XKR9: variants seen among roughly 807,000 people sequenced by gnomAD.
XKR9 encodes XK-related protein 9.
In XKR9, 32 loss-of-function variants were observed where a neutral mutation model predicts 32.0. The ratio of observed to expected loss-of-function variants is 1.00; its 90% confidence interval spans 0.76 to 1.34. The LOEUF is 1.34. Ranked by LOEUF, XKR9 falls within the 40% of genes most tolerant of loss-of-function variation. The pLI, the probability that XKR9 is intolerant of heterozygous loss-of-function variation, is 0.00. For synonymous variants in XKR9, 168 were observed against 143.4 expected (o/e 1.17, Z -1.22); for missense variants, 546 against 429.7 (o/e 1.27, Z -2.39).
At chr8:70,814,475 T>C in the XKR9 span, among the ~76,000 whole-genome samples, 1 of 151,080 alleles carries the variant, frequency 6.6e-6, no homozygotes, top group Non-Finnish European at 1.5e-5. Context: ...AAATAAATTA[T>C]ACCTGAGAAG....
chr8:70,844,726 C>A, the XKR9 span, among the ~76,000 whole-genome samples: 1 of 152,248 alleles, frequency 6.6e-6, no homozygotes, highest in Non-Finnish European at 1.5e-5. Flanking sequence ...TGGGCCCAGC[C>A]AGCCTGCTGC....
the XKR9 span, among the ~76,000 whole-genome samples, chr8:70,922,177 A>C: frequency 1.3e-5 from 2 of 152,154 alleles, no homozygotes; most frequent in African/African-American, 2.4e-5. Flanking sequence ...CATGCTATGG[A>C]CTCAGCACCA....
chr8:70,863,632 T>G, the XKR9 span, among the ~76,000 whole-genome samples: 2 of 152,182 alleles, frequency 1.3e-5, no homozygotes, highest in African/African-American at 4.8e-5. Flanking sequence ...AAAAATCACT[T>G]TCAATGTAAA....
the XKR9 span, among the ~76,000 whole-genome samples, chr8:70,884,272 G>A: frequency 6.6e-6 from 1 of 151,858 alleles, no homozygotes; most frequent in Non-Finnish European, 1.5e-5. Context: ...TGTATATTTG[G>A]ATATTAATCC....
the XKR9 span, among the ~76,000 whole-genome samples, chr8:70,876,218 CTTT>C: frequency 3.4e-3 from 350 of 101,476 alleles, 1 homozygote; most frequent in African/African-American, 0.011. Flanking sequence ...AAGATTCGTT[CTTT>C]TTTTTTTTTT....
chr8:70,753,437 C>CTTG (rs1807171457), intron 2 of XKR9, among the ~76,000 whole-genome samples: 2 of 152,166 alleles, frequency 1.3e-5, no homozygotes, highest in South Asian at 2.1e-4. Context: ...CATCCGGATA[C>CTTG]CAAAGCCTGG....
chr8:70,962,701 A>G, the XKR9 span, among the ~76,000 whole-genome samples: 3 of 152,232 alleles, frequency 2.0e-5, no homozygotes, highest in Non-Finnish European at 4.4e-5. Context: ...AACTTCCTGC[A>G]TATGTAATTC....
chr8:70,682,447 G>A (rs1427332789), intron 3 of XKR9, among the ~76,000 whole-genome samples: 3 of 152,052 alleles, frequency 2.0e-5, no homozygotes, highest in African/African-American at 7.2e-5. Flanking sequence ...ATTGAAATGA[G>A]GACCTTAAGG....
the XKR9 span, among the ~76,000 whole-genome samples, chr8:70,958,588 A>C: frequency 6.6e-6 from 1 of 152,144 alleles, no homozygotes; most frequent in Non-Finnish European, 1.5e-5. Context: ...GTAATGGTGG[A>C]TATTCGACCT....
the XKR9 span, among the ~76,000 whole-genome samples, chr8:70,911,136 T>A: frequency 2.6e-5 from 4 of 152,328 alleles, no homozygotes; most frequent in African/African-American, 7.2e-5. Context: ...TGTCTCTTCA[T>A]AACAGTGCCT....
the XKR9 span, among the ~76,000 whole-genome samples, chr8:70,862,624 A>G: frequency 6.8e-6 from 1 of 148,088 alleles, no homozygotes; most frequent in Non-Finnish European, 1.5e-5. Flanking sequence ...ACAAATAAAT[A>G]TTACATCTAA....
At chr8:70,674,436 T>C (rs1041358288) in intron 1 of XKR9, among the ~76,000 whole-genome samples, 2 of 152,202 alleles carry the variant, frequency 1.3e-5, no homozygotes, top group Non-Finnish European at 2.9e-5. Context: ...ATATGCTCTT[T>C]GGGGCACAAG....
the XKR9 span, among the ~76,000 whole-genome samples, chr8:70,968,165 C>T: frequency 6.6e-6 from 1 of 152,068 alleles, no homozygotes; most frequent in Non-Finnish European, 1.5e-5. Flanking sequence ...TTCTTGTCTG[C>T]CTGTCTTATT....
chr8:71,061,268 C>G, the XKR9 span, among the ~76,000 whole-genome samples: 1 of 152,088 alleles, frequency 6.6e-6, no homozygotes, highest in East Asian at 1.9e-4. Flanking sequence ...CATCTTTATT[C>G]CCATAGAGAC....
chr8:71,009,124 A>ATGTGGGGTCTTG, the XKR9 span, among the ~76,000 whole-genome samples: 2 of 152,142 alleles, frequency 1.3e-5, no homozygotes, highest in African/African-American at 4.8e-5. Context: ...GCACTATGGG[A>ATGTGGGGTCTTG]TGTGGGGTCT....
chr8:70,669,881 A>T (rs1413196111), intron 1 of XKR9, among the ~76,000 whole-genome samples: 1 of 151,766 alleles, frequency 6.6e-6, no homozygotes, highest in Non-Finnish European at 1.5e-5. Context: ...TTAGCCAGGA[A>T]GGTCTTGATC....
At chr8:70,727,621 A>G (rs1806518023) in intron 4 of XKR9, among the ~76,000 whole-genome samples, 1 of 151,876 alleles carries the variant, frequency 6.6e-6, no homozygotes, top group South Asian at 2.1e-4. Flanking sequence ...GCTGGTCTTG[A>G]ACTCCTTACC....
the XKR9 span, among the ~76,000 whole-genome samples, chr8:70,899,516 A>G: frequency 6.6e-6 from 1 of 151,386 alleles, no homozygotes; most frequent in African/African-American, 2.4e-5. Flanking sequence ...TACAAGCTGG[A>G]TGATAAATGT....
chr8:70,897,432 T>C, the XKR9 span, among the ~76,000 whole-genome samples: 2 of 152,136 alleles, frequency 1.3e-5, no homozygotes, highest in African/African-American at 4.8e-5. Context: ...GGTAGCTCTA[T>C]TTTTAGTTTT....
Sources: gnomAD v4.1 joint callset for allele counts (sites outside exome capture counted in the v4.1 genomes callset) on GRCh38, gnomAD v4.1.1 for gene constraint, MANE v1.5 for transcripts, NCBI Gene and HGNC (gene_info 2026-07-23, HGNC 2026-07-21) for gene names.